Variants in TRERF1 observed in about 807,000 individuals in gnomAD.
TRERF1 encodes the protein transcriptional regulating factor 1.
Under a neutral mutation model 122.9 loss-of-function variants are expected in TRERF1, and 27 were observed. That is an observed-to-expected ratio of 0.22 (90% CI 0.16 to 0.30). The LOEUF (loss-of-function observed/expected upper bound fraction) is 0.30, where lower values mean the gene tolerates loss of function less well. Ranked by LOEUF, TRERF1 falls within the 10% of genes least tolerant of loss-of-function variation. TRERF1 has a pLI of 1.00. For missense variants in TRERF1, 1,248 were observed against 1,560.3 expected, an observed-to-expected ratio of 0.80 and a Z score of 3.37; for synonymous variants, 636 against 641.7, an observed-to-expected ratio of 0.99 and a Z score of 0.13.
At chr6:42,379,671 C>G (rs1423616646) in intron 2 of TRERF1, among the ~76,000 whole-genome samples, 3 of 152,180 alleles carry the variant, frequency 2.0e-5, no homozygotes, top group African/African-American at 7.2e-5. Flanking sequence ...GCTGGGACCA[C>G]AGGCGTGTGC....
chr6:42,251,092 G>A (rs191218752), intron 13 of TRERF1, among the ~76,000 whole-genome samples: 8 of 149,724 alleles, frequency 5.3e-5, no homozygotes, highest in African/African-American at 7.4e-5. Context: ...CGCCTCTTGG[G>A]TTCAGGCAAC....
intron 2 of TRERF1, among the ~76,000 whole-genome samples, chr6:42,440,074 G>C (rs1786215362): frequency 6.6e-6 from 1 of 152,154 alleles, no homozygotes; most frequent in Non-Finnish European, 1.5e-5. Context: ...TGGCAGGGAT[G>C]GGGGCAGGGC....
intron 3 of TRERF1, among the ~76,000 whole-genome samples, chr6:42,338,715 C>A (rs1766674660): frequency 6.6e-6 from 1 of 152,112 alleles, no homozygotes; most frequent in Non-Finnish European, 1.5e-5. Context: ...TGCCATCCTG[C>A]ATCCAGATCT....
chr6:42,290,361 C>T (rs1784094692), intron 4 of TRERF1, among the ~76,000 whole-genome samples: 1 of 152,316 alleles, frequency 6.6e-6, no homozygotes, highest in Non-Finnish European at 1.5e-5. Context: ...GAGCCAATCA[C>T]CTCAATTCAC....
At position 42,323,453 on chromosome 6, in the gene TRERF1, T is replaced by C. The variant is rs374299015; in HGVS notation, c.-370-22704A>G. 5.8e-4 allele frequency among the ~76,000 whole-genome samples: 89 copies of C among 152,176 alleles called. 1 individual carries two copies. The highest frequency in any genetic ancestry group is 2.1e-3 in the African/African-American group (88 of 41,514). On this transcript the variant is annotated intron_variant, in intron 3 of 17. Transcript: ENST00000372922. ...ACCTCGTGATCCACCTGCCTCGGCCTCCCAAAGTGCTGGGATTACAGGTGT... is the reference window on the plus strand; with the variant it reads ...ACCTCGTGATCCACCTGCCTCGGCCCCCCAAAGTGCTGGGATTACAGGTGT...
intron 2 of TRERF1, among the ~76,000 whole-genome samples, chr6:42,377,356 G>C (rs1009642314): frequency 6.6e-6 from 1 of 152,108 alleles, no homozygotes; most frequent in African/African-American, 2.4e-5. Flanking sequence ...TCTCCTGACA[G>C]CTGCTTTCTA....
rs185159546 is a variant in TRERF1, at chr6:42,268,925, C to T, written c.666G>A (p.Gln222=). Residue 222 remains glutamine (Q), a synonymous_variant, in exon 5 of 18, where the codon CAG becomes CAA. Coordinates refer to ENST00000372922, the Ensembl canonical transcript of TRERF1. The surrounding 1 kb of genome is among the most constrained non-coding windows in gnomAD (Gnocchi z 4.4). ...GCCCTTGGGTAGGGTGCTGCCCGAC[C>T]TGAAGAGCTGGTTTGGACAGCCCAC... 39 of 1,612,536 alleles carry T rather than the reference C, an allele frequency of 2.4e-5. No homozygotes were observed. The highest frequency in any genetic ancestry group is 3.3e-5 in the Non-Finnish European group (39 of 1,178,866).
rs552154371 is a variant in TRERF1 at position 42,352,391 on chromosome 6, ATGCACTGTATGT to A, written c.-371+10594_-371+10605del. 3.3e-5 allele frequency among the ~76,000 whole-genome samples: 5 copies of A among 152,340 alleles called. No individual in the cohort carries two copies. In the East Asian group the frequency reaches 7.7e-4, roughly 23 times the overall value. ...AAGGAAAACAACCAAATTTTATCTG[ATGCACTGTATGT>A]TAGTCAAATTATAGGTATATTTTTA... On this transcript the variant is annotated intron_variant, in intron 3 of 17. Coordinates refer to ENST00000372922, the Ensembl canonical transcript of TRERF1.
chr6:42,230,451 C>G (rs1044576981), intron 17 of TRERF1, among the ~76,000 whole-genome samples: 1 of 151,978 alleles, frequency 6.6e-6, no homozygotes, highest in Non-Finnish European at 1.5e-5. Context: ...TCTGTCTCCA[C>G]CTGGTGGAAT....
In TRERF1 at chr6:42,259,271, G is replaced by A. The variant is rs1261943807; in HGVS notation, c.2269+68C>T. On this transcript the variant is annotated intron_variant, in intron 9 of 17. Transcript: ENST00000372922. The surrounding 1 kb of genome is among the most constrained non-coding windows in gnomAD (Gnocchi z 4.9). ...CTGTGGGATAAATGAGAAAGCTAAA[G>A]AAAACGAGATGTCCCAGGACTTTAC... The A allele has an allele frequency of 1.4e-6, 2 of 1,451,872 alleles. No individual in the cohort carries two copies. The highest frequency in any genetic ancestry group is 2.8e-5 in the African/African-American group (2 of 70,864). The allele number at this position is 1,451,872 out of a possible 1,614,324, so 89.9% of individuals were successfully genotyped here. A position where few individuals can be genotyped will look rare whatever the true frequency, so the allele number is the denominator to read the frequency against.
chr6:42,337,553 G>A (rs972384073), intron 3 of TRERF1, among the ~76,000 whole-genome samples: 4 of 152,152 alleles, frequency 2.6e-5, no homozygotes, highest in Non-Finnish European at 4.4e-5. Context: ...ACCACTATCC[G>A]GAGGCAAAAT....
chr6:42,444,117 G>A (rs180696035), intron 2 of TRERF1, among the ~76,000 whole-genome samples: 2 of 150,924 alleles, frequency 1.3e-5, no homozygotes, highest in Non-Finnish European at 2.9e-5. Context: ...GGGAACCACC[G>A]AGGCTGGTAG....
At chr6:42,391,154 C>T (rs561508641) in intron 2 of TRERF1, among the ~76,000 whole-genome samples, 1 of 152,308 alleles carries the variant, frequency 6.6e-6, no homozygotes, top group Non-Finnish European at 1.5e-5. Flanking sequence ...CCAGTTCTCC[C>T]ATCTCCCAGA....
At chr6:42,413,593 C>A (rs1414392457) in intron 2 of TRERF1, among the ~76,000 whole-genome samples, 1 of 152,076 alleles carries the variant, frequency 6.6e-6, no homozygotes, top group African/African-American at 2.4e-5. Context: ...CCATGCCCAG[C>A]TAATTTTTGT....
chr6:42,326,022 A>G (rs544389396), intron 3 of TRERF1, among the ~76,000 whole-genome samples: 1 of 152,282 alleles, frequency 6.6e-6, no homozygotes, highest in Admixed American at 6.5e-5. Context: ...GGGACTACAA[A>G]ATGCGGGAGG....
intron 4 of TRERF1, among the ~76,000 whole-genome samples, chr6:42,274,596 T>C (rs13205169): frequency 0.033 from 5,040 of 152,074 alleles, 84 homozygotes; most frequent in Non-Finnish European, 0.037. Context: ...CAAGAATCCC[T>C]TGAACTTGGG....
intron 2 of TRERF1, among the ~76,000 whole-genome samples, chr6:42,416,108 C>T (rs1014543281): frequency 6.6e-6 from 1 of 151,988 alleles, no homozygotes; most frequent in African/African-American, 2.4e-5. Context: ...TATTTTCTAG[C>T]TGGATATTTA....
At chr6:42,406,618 TCCTC>T (rs926341030) in intron 2 of TRERF1, among the ~76,000 whole-genome samples, 1 of 152,118 alleles carries the variant, frequency 6.6e-6, no homozygotes, top group African/African-American at 2.4e-5. Flanking sequence ...TCTGGAACCT[TCCTC>T]AACAAATGCT....
At chr6:42,247,862 T>C (rs1035908795) in intron 13 of TRERF1, among the ~76,000 whole-genome samples, 1 of 152,156 alleles carries the variant, frequency 6.6e-6, no homozygotes, top group African/African-American at 2.4e-5. Flanking sequence ...TGGATGGTAT[T>C]TGGCCAAGGC....
Sources: allele counts gnomAD v4.1 joint callset (sites outside exome capture counted in the v4.1 genomes callset), GRCh38; gene constraint gnomAD v4.1.1; non-coding constraint Gnocchi (gnomAD v3.1); transcripts MANE v1.5; gene names NCBI Gene and HGNC (gene_info 2026-07-23, HGNC 2026-07-21).